The following TENM2 variants were observed in gnomAD, a reference collection of about 807,000 sequenced individuals.
TENM2 encodes the protein teneurin transmembrane protein 2.
Under a neutral mutation model 245.2 loss-of-function variants are expected in TENM2, and 52 were observed. The ratio of observed to expected loss-of-function variants is 0.21; its 90% confidence interval spans 0.17 to 0.27. The LOEUF is 0.27. Among genes scored for constraint, TENM2 ranks in the 10% least tolerant of loss-of-function variants. The probability of loss-of-function intolerance (pLI) is 1.00; values close to 1 mark genes in which losing one functional copy is unlikely to be tolerated. For synonymous variants in TENM2, 1,363 were observed against 1,438.9 expected, an observed-to-expected ratio of 0.95 and a Z score of 1.19; for missense variants, 3,046 against 3,666.8, an observed-to-expected ratio of 0.83 and a Z score of 4.37.
At chr5:168,153,502 T>G (rs1318414634) in intron 12 of TENM2, among the ~76,000 whole-genome samples, 1 of 152,198 alleles carries the variant, frequency 6.6e-6, no homozygotes, top group African/African-American at 2.4e-5. Flanking sequence ...GTGAATGGCT[T>G]TAGCCAAAGT....
intron 9 of TENM2, among the ~76,000 whole-genome samples, chr5:168,112,375 C>T (rs1794730565): frequency 6.6e-6 from 1 of 152,074 alleles, no homozygotes; most frequent in Non-Finnish European, 1.5e-5. Flanking sequence ...TCTCTCCTCC[C>T]ACCCTCTACC....
intron 12 of TENM2, among the ~76,000 whole-genome samples, chr5:168,149,228 G>C (rs1012384356): frequency 6.6e-6 from 1 of 152,068 alleles, no homozygotes; most frequent in African/African-American, 2.4e-5. Flanking sequence ...TTCTCTCCGC[G>C]TCTCCACTCT....
chr5:167,374,579 T>C (rs930832960), intron 1 of TENM2, among the ~76,000 whole-genome samples: 1 of 152,130 alleles, frequency 6.6e-6, no homozygotes. Context: ...GGAATTACCA[T>C]AAATGAGACT....
At chr5:167,072,004 C>T in the TENM2 span, among the ~76,000 whole-genome samples, 10 of 150,432 alleles carry the variant, frequency 6.6e-5, no homozygotes, top group African/African-American at 2.4e-4. Flanking sequence ...TGGGAAGATG[C>T]AGCCATCAGT....
chr5:167,580,650 C>G (rs961393491), intron 2 of TENM2, among the ~76,000 whole-genome samples: 1 of 152,244 alleles, frequency 6.6e-6, no homozygotes, highest in African/African-American at 2.4e-5. Context: ...CCTTCCAAGT[C>G]TGCAGAACAG....
chr5:167,948,149 G>A (rs1041547159), intron 3 of TENM2, among the ~76,000 whole-genome samples: 5 of 152,292 alleles, frequency 3.3e-5, no homozygotes, highest in African/African-American at 7.2e-5. Context: ...TCCCCATGCC[G>A]TGTGAGCAAC....
At chr5:167,970,309 A>G (rs1781681997) in intron 4 of TENM2, among the ~76,000 whole-genome samples, 1 of 152,192 alleles carries the variant, frequency 6.6e-6, no homozygotes, top group Non-Finnish European at 1.5e-5. Flanking sequence ...AATGCATTTT[A>G]ACTTTTATTA....
At chr5:167,462,262 G>A (rs1355207548) in intron 2 of TENM2, among the ~76,000 whole-genome samples, 1 of 145,236 alleles carries the variant, frequency 6.9e-6, no homozygotes, top group Admixed American at 7.5e-5. Flanking sequence ...CCTTACAGGA[G>A]GGGGAGCATG....
chr5:167,338,464 C>A (rs1351186532), intron 1 of TENM2, among the ~76,000 whole-genome samples: 6 of 152,192 alleles, frequency 3.9e-5, no homozygotes, highest in Non-Finnish European at 8.8e-5. Flanking sequence ...CTACAAGTTG[C>A]AGAAGCAATT....
chr5:167,858,772 G>C (rs969361191), intron 2 of TENM2, among the ~76,000 whole-genome samples: 1 of 150,616 alleles, frequency 6.6e-6, no homozygotes, highest in Non-Finnish European at 1.5e-5. Flanking sequence ...AGTTCAGCGG[G>C]CAGCGGAGCT....
intron 2 of TENM2, among the ~76,000 whole-genome samples, chr5:167,557,071 TGA>T (rs1445595938): frequency 6.6e-6 from 1 of 152,224 alleles, no homozygotes; most frequent in Non-Finnish European, 1.5e-5. Context: ...CTAATCATTT[TGA>T]GAGAGTTTTC....
At chr5:167,210,624 C>T in the TENM2 span, among the ~76,000 whole-genome samples, 54 of 151,552 alleles carry the variant, frequency 3.6e-4, no homozygotes, top group African/African-American at 6.1e-4. Context: ...CCACCGCGCC[C>T]GGCTAATTTT....
At chr5:166,998,614 A>G in the TENM2 span, among the ~76,000 whole-genome samples, 1 of 152,202 alleles carries the variant, frequency 6.6e-6, no homozygotes, top group African/African-American at 2.4e-5. Context: ...ACAAAATTTC[A>G]AGAAAAAACA....
intron 2 of TENM2, among the ~76,000 whole-genome samples, chr5:167,468,456 C>A (rs1359747186): frequency 2.6e-5 from 4 of 152,088 alleles, no homozygotes; most frequent in Non-Finnish European, 4.4e-5. Flanking sequence ...AGAAACTGTC[C>A]ATCATGTGTT....
intron 17 of TENM2, 27 bp downstream of exon 19, chr5:168,200,158 G>A (rs779297196): frequency 6.3e-7 from 1 of 1,597,540 alleles, no homozygotes; most frequent in Non-Finnish European, 8.5e-7. Context: ...ACCACTTATT[G>A]ATCAATGGAT....
intron 2 of TENM2, among the ~76,000 whole-genome samples, chr5:167,860,195 T>G (rs1292656676): frequency 1.7e-4 from 15 of 89,128 alleles, no homozygotes; most frequent in Admixed American, 3.5e-4. Context: ...GGTGGGGGGG[T>G]CAGCCCCCCG....
rs915460461 is a variant in TENM2 at position 167,727,142 on chromosome 5, C to T, written c.503-148844C>T. Among the ~76,000 whole-genome samples, 8 of 111,144 alleles carry T rather than the reference C, an allele frequency of 7.2e-5. No individual in the cohort carries two copies. In the East Asian group the frequency reaches 2.6e-3, roughly 36 times the overall value. 72.9% of individuals were successfully genotyped at this position (111,144 alleles called of 152,430 possible). Reference sequence around the variant, plus strand: ...TTTTTTTTTTTGAGATGGAGTCTTGCTCTGTTGCCCAGGCTGGAGTGCAGT... The same window carrying T: ...TTTTTTTTTTTGAGATGGAGTCTTGTTCTGTTGCCCAGGCTGGAGTGCAGT... On this transcript the variant is annotated intron_variant, in intron 2 of 28. Coordinates refer to ENST00000518659, the Ensembl canonical transcript of TENM2.
intron 1 of TENM2, among the ~76,000 whole-genome samples, chr5:167,345,290 C>T (rs552223675): frequency 1.3e-5 from 2 of 152,296 alleles, no homozygotes; most frequent in South Asian, 2.1e-4. Flanking sequence ...TCTCTCCATT[C>T]GGCTTTAGTG....
At chr5:167,567,658 C>T (rs1773992867) in intron 2 of TENM2, among the ~76,000 whole-genome samples, 1 of 152,128 alleles carries the variant, frequency 6.6e-6, no homozygotes, top group African/African-American at 2.4e-5. Context: ...AATTTTGACA[C>T]CAACTTGAAC....
Sources: gnomAD v4.1 joint callset for allele counts (sites outside exome capture counted in the v4.1 genomes callset) on GRCh38, gnomAD v4.1.1 for gene constraint, MANE v1.5 for transcripts, NCBI Gene and HGNC (gene_info 2026-07-23, HGNC 2026-07-21) for gene names.